IP6K3: variants seen among roughly 807,000 people sequenced by gnomAD.
The protein encoded by IP6K3 is inositol hexakisphosphate kinase 3.
In IP6K3, 20 loss-of-function variants were observed where a neutral mutation model predicts 28.8. The observed-to-expected ratio is 0.70, with a 90% CI of 0.49 to 1.01. IP6K3 has a LOEUF of 1.01. Among genes scored for constraint, IP6K3 ranks in the 50% least tolerant of loss-of-function variants. IP6K3 has a pLI of 0.00. For missense variants in IP6K3, 480 were observed against 537.1 expected, an observed-to-expected ratio of 0.89 and a Z score of 1.05; for synonymous variants, 213 against 221.3, an observed-to-expected ratio of 0.96 and a Z score of 0.33.
the IP6K3 span, among the ~76,000 whole-genome samples, chr6:33,758,959 A>G: frequency 6.6e-6 from 1 of 152,258 alleles, no homozygotes; most frequent in Non-Finnish European, 1.5e-5. Flanking sequence ...AGCTAGAATA[A>G]TATTTACGTG....
At chr6:33,758,518 A>G in the IP6K3 span, among the ~76,000 whole-genome samples, 2 of 152,182 alleles carry the variant, frequency 1.3e-5, no homozygotes, top group Non-Finnish European at 2.9e-5. Context: ...ACCCTGTCTC[A>G]AAAGCAAAAA....
At chr6:33,725,316 C>G (rs1766059492) in intron 5 of IP6K3, 125 bp downstream of exon 5, 5 of 921,684 alleles carry the variant, frequency 5.4e-6, no homozygotes, top group Non-Finnish European at 7.8e-6. Context: ...CTCCTGGCCT[C>G]CTCTGTGGCT....
intron 1 of IP6K3, among the ~76,000 whole-genome samples, chr6:33,738,628 C>T (rs1285499149): frequency 5.3e-5 from 8 of 152,202 alleles, no homozygotes; most frequent in Non-Finnish European, 1.2e-4. Flanking sequence ...TAAGTAGCTT[C>T]CCTATCTGCA....
chr6:33,746,834 A>T lies in IP6K3; in HGVS notation c.-256T>A, dbSNP rs1173488974. 6.6e-6 allele frequency: 1 copy of T among 152,296 alleles called. No homozygotes were observed. The highest frequency in any genetic ancestry group is 6.5e-5 in the Admixed American group (1 of 15,268). 9.4% of individuals were successfully genotyped at this position (152,296 alleles called of 1,614,324 possible). ...TCTTGTCTCTCAGTGCCCACCATGT[A>T]CAGGCATCAGGCAATGGCCCGTCCC... is the stretch of plus-strand genomic sequence containing the variant. On this transcript the variant is annotated 5_prime_UTR_variant, in exon 1 of 6. Coordinates refer to ENST00000293756, the MANE Select transcript of IP6K3 (RefSeq NM_054111.5). The surrounding 1 kb of genome is among the most constrained non-coding windows in gnomAD (Gnocchi z 6.5).
chr6:33,731,154 C>A (rs1358540370), intron 2 of IP6K3, among the ~76,000 whole-genome samples: 1 of 152,198 alleles, frequency 6.6e-6, no homozygotes, highest in Admixed American at 6.5e-5. Context: ...TCGTGCAGTT[C>A]CTGGGGAACC....
chr6:33,729,397 C>G (rs938512672), intron 2 of IP6K3, among the ~76,000 whole-genome samples: 3 of 152,236 alleles, frequency 2.0e-5, no homozygotes, highest in South Asian at 2.1e-4. Flanking sequence ...CTCTGCACCC[C>G]CTCTGTCCTG....
chr6:33,747,206 G>A (rs16869463), upstream of IP6K3, among the ~76,000 whole-genome samples: 19,119 of 152,134 alleles, frequency 0.13, 1,523 homozygotes, highest in African/African-American at 0.22. The surrounding 1 kb of genome is among the most constrained non-coding windows in gnomAD (Gnocchi z 5.2). Context: ...AATTCAAAAG[G>A]AAAGGGGTGA....
intron 1 of IP6K3, among the ~76,000 whole-genome samples, chr6:33,737,444 G>T (rs1380729222): frequency 6.6e-6 from 1 of 152,162 alleles, no homozygotes; most frequent in Non-Finnish European, 1.5e-5. Flanking sequence ...CCACCAGGCT[G>T]GGCAGTGCTG....
upstream of IP6K3, among the ~76,000 whole-genome samples, chr6:33,751,565 C>T (rs1027339314): frequency 6.6e-6 from 1 of 151,416 alleles, no homozygotes; most frequent in African/African-American, 2.4e-5. The surrounding 1 kb of genome is among the most constrained non-coding windows in gnomAD (Gnocchi z 4.3). Flanking sequence ...CATGCCCACC[C>T]TATGGCCATG....
intron 1 of IP6K3, among the ~76,000 whole-genome samples, chr6:33,740,849 A>G (rs1424994646): frequency 1.3e-5 from 2 of 152,326 alleles, no homozygotes; most frequent in South Asian, 2.1e-4. Context: ...CGAAACCACA[A>G]ATCAAACTTG....
chr6:33,748,817 G>A (rs1025452300), upstream of IP6K3, among the ~76,000 whole-genome samples: 2 of 151,786 alleles, frequency 1.3e-5, no homozygotes, highest in African/African-American at 4.9e-5. Flanking sequence ...AGAAATAACA[G>A]GAATTCCTGG....
At position 33,723,747 on chromosome 6, in the gene IP6K3, A is replaced by T. The variant is rs562130103; in HGVS notation, c.766-560T>A. On this transcript the variant is annotated intron_variant, in intron 5 of 5. Coordinates refer to ENST00000293756, the MANE Select transcript of IP6K3 (RefSeq NM_054111.5). The stretch of plus-strand genomic sequence containing the variant: ...AAGACAGGCTAGGTCAGGTGTGGAC[A>T]GGGTTTCTAGGCAGCCAGTGCAGTT... Among the ~76,000 whole-genome samples the T allele has an allele frequency of 5.3e-5, 8 of 152,348 alleles. No individual in the cohort carries two copies. In the South Asian group the frequency reaches 1.4e-3, roughly 28 times the overall value.
intron 1 of IP6K3, among the ~76,000 whole-genome samples, chr6:33,745,952 T>G (rs1381583845): frequency 6.6e-6 from 1 of 152,008 alleles, no homozygotes; most frequent in Non-Finnish European, 1.5e-5. Flanking sequence ...TAATAAAAGG[T>G]TAAAAAATAA....
chr6:33,735,228 G>A (rs368784785), intron 2 of IP6K3, 50 bp downstream of exon 2: 13 of 1,518,062 alleles, frequency 8.6e-6, no homozygotes, highest in Admixed American at 3.5e-5. Context: ...TGGATGAGCC[G>A]GCCCCCGTGT....
chr6:33,724,404 C>T (rs185018854), intron 5 of IP6K3, among the ~76,000 whole-genome samples: 6 of 152,284 alleles, frequency 3.9e-5, no homozygotes, highest in Admixed American at 3.3e-4. Flanking sequence ...AAAGCTATAA[C>T]GTTTACCGTC....
rs951825232 is a variant in IP6K3, at chr6:33,725,416, C to A, written c.765+25G>T. ...CGTGGACGTGCCGGGATGTCCCCCC[C>A]TGTGGTGGGTCCCCTGCGACCTACC... On this transcript the variant is annotated intron_variant, in intron 5 of 5. Coordinates refer to ENST00000293756, the MANE Select transcript of IP6K3 (RefSeq NM_054111.5). 6 of 1,594,094 alleles carry A rather than the reference C, an allele frequency of 3.8e-6. No homozygotes were observed. The African/African-American group carries it at 5.3e-5, about 14-fold the overall frequency.
the IP6K3 span, among the ~76,000 whole-genome samples, chr6:33,758,967 G>A: frequency 6.6e-6 from 1 of 152,216 alleles, no homozygotes; most frequent in African/African-American, 2.4e-5. Context: ...TAATATTTAC[G>A]TGTCGTAACA....
At position 33,727,049 on chromosome 6, in the gene IP6K3, A is replaced by G. The variant is rs144748794; in HGVS notation, c.414-143T>C. On this transcript the variant is annotated intron_variant, in intron 3 of 5. Transcript: ENST00000293756. ...AGGGCAGCCCTCACCAGGCTGGGGC[A>G]CCCTCCCTGCCCAACTCCGGTTCTA... The G allele has an allele frequency of 1.6e-3, 1,271 of 783,790 alleles. 9 individuals are homozygous for G. Among genetic ancestry groups the G allele is most frequent in the Middle Eastern group, 3.6e-3 (9 of 2,496 alleles). The allele number at this position is 783,790 out of a possible 1,614,324, so 48.6% of individuals were successfully genotyped here.
chr6:33,734,989 G>A (rs117782519), intron 2 of IP6K3, among the ~76,000 whole-genome samples: 2 of 152,298 alleles, frequency 1.3e-5, no homozygotes, highest in South Asian at 2.1e-4. Context: ...CCAGAATGCC[G>A]CCTTGGAGAC....
Sources: allele counts gnomAD v4.1 joint callset (sites outside exome capture counted in the v4.1 genomes callset), GRCh38; gene constraint gnomAD v4.1.1; non-coding constraint Gnocchi (gnomAD v3.1); transcripts MANE v1.5; gene names NCBI Gene and HGNC (gene_info 2026-07-23, HGNC 2026-07-21).